Variants in ZDHHC6 observed in about 807,000 individuals in gnomAD.
The protein encoded by ZDHHC6 is zDHHC palmitoyltransferase 6, also known as palmitoyltransferase ZDHHC6.
Under a neutral mutation model 57.8 loss-of-function variants are expected in ZDHHC6, and 32 were observed. That is an observed-to-expected ratio of 0.55 (90% confidence interval 0.42 to 0.74). The LOEUF (loss-of-function observed/expected upper bound fraction) is 0.74. Among genes scored for constraint, ZDHHC6 ranks in the 30% least tolerant of loss-of-function variants. ZDHHC6 has a pLI of 0.00. For missense variants in ZDHHC6, 433 were observed against 500.7 expected, an observed-to-expected ratio of 0.86 and a Z score of 1.29; for synonymous variants, 128 against 158.0, an observed-to-expected ratio of 0.81 and a Z score of 1.42.
chr10:112,432,979 G>A (rs1423432133), intron 8 of ZDHHC6, among the ~76,000 whole-genome samples: 1 of 152,172 alleles, frequency 6.6e-6, no homozygotes, highest in African/African-American at 2.4e-5. Flanking sequence ...TGTAAGGATA[G>A]GTTTCACATT....
intron 3 of ZDHHC6, 25 bp downstream of exon 3, chr10:112,443,490 G>A (rs969866145): frequency 7.5e-6 from 12 of 1,602,890 alleles, no homozygotes; most frequent in African/African-American, 1.3e-5. Flanking sequence ...ATCAGTCCTC[G>A]CTGAACAGCA....
chr10:112,440,766 G>A (rs1331680036), intron 4 of ZDHHC6, 71 bp from the exon 5 acceptor site: 9 of 1,421,690 alleles, frequency 6.3e-6, no homozygotes, highest in South Asian at 1.8e-5. Flanking sequence ...ACTGTGACAC[G>A]TAAAACAACT....
intron 3 of ZDHHC6, 58 bp from the exon 4 acceptor site, chr10:112,442,409 C>T: frequency 6.5e-7 from 1 of 1,536,788 alleles, no homozygotes; most frequent in Non-Finnish European, 8.8e-7. Context: ...CTTTAAATAA[C>T]TTTGGTCTTC....
In ZDHHC6 at chr10:112,445,485, T is replaced by A; in HGVS notation, c.-49A>T. ...TACTTTAAAAGAATTATAGATTTCC[T>A]TTTTCTGTGCGCACATTTCCATGTG... On this transcript the variant is annotated 5_prime_UTR_variant, in exon 2 of 11. The change creates a new upstream start codon in the 5' untranslated region. Transcript: ENST00000369405. 1 of 1,583,950 alleles carries A rather than the reference T, an allele frequency of 6.3e-7. No homozygotes were observed. Among genetic ancestry groups the A allele is most frequent in the Non-Finnish European group, 8.6e-7 (1 of 1,163,916 alleles).
At chr10:112,435,061 A>G (rs977791580) in intron 6 of ZDHHC6, among the ~76,000 whole-genome samples, 1 of 152,170 alleles carries the variant, frequency 6.6e-6, no homozygotes, top group Non-Finnish European at 1.5e-5. Context: ...CTTTTTTTAT[A>G]CTATCACACA....
upstream of ZDHHC6, chr10:112,447,222 C>CAGGA (rs1238793497): frequency 2.9e-6 from 2 of 695,556 alleles, no homozygotes; most frequent in African/African-American, 1.8e-5. Context: ...GACGAACAAC[C>CAGGA]AGGAAGCGGC....
rs1169761593 is a variant in ZDHHC6 at position 112,438,405 on chromosome 10, T to C, written c.682-16A>G. 2.2e-6 allele frequency: 3 copies of C among 1,371,462 alleles called. No homozygotes were observed. Among genetic ancestry groups the C allele is most frequent in the Admixed American group, 2.9e-5 (1 of 34,466 alleles). The allele number at this position is 1,371,462 out of a possible 1,614,324, so 85.0% of individuals were successfully genotyped here. ...TTATTTTCATCTGGAAATTAAATGA[T>C]AGTAAAATTTAATAATGCGACCTTG... On this transcript the variant is annotated splice_polypyrimidine_tract_variant and intron_variant, in intron 5 of 10. Coordinates refer to ENST00000369405, the MANE Select transcript of ZDHHC6 (RefSeq NM_022494.3).
At chr10:112,444,870 T>C (rs1846484974) in intron 2 of ZDHHC6, among the ~76,000 whole-genome samples, 5 of 152,162 alleles carry the variant, frequency 3.3e-5, no homozygotes, top group Admixed American at 3.3e-4. Flanking sequence ...GTGTATGACA[T>C]GTGATGTTTC....
downstream of ZDHHC6, chr10:112,426,248 C>T (rs771788750): frequency 1.9e-6 from 3 of 1,611,368 alleles, no homozygotes; most frequent in Non-Finnish European, 2.5e-6. Context: ...CTTTTATTTC[C>T]TTTCCATAGT....
intron 6 of ZDHHC6, among the ~76,000 whole-genome samples, chr10:112,435,122 T>C (rs531675259): frequency 1.3e-5 from 2 of 152,366 alleles, no homozygotes; most frequent in African/African-American, 4.8e-5. Context: ...GTTATGCATG[T>C]ACATAACTAT....
chr10:112,435,781 C>T (rs576233923), intron 6 of ZDHHC6, among the ~76,000 whole-genome samples: 3 of 152,164 alleles, frequency 2.0e-5, no homozygotes, highest in South Asian at 2.1e-4. Context: ...GAGTTCTAGG[C>T]TATTTACAAA....
downstream of ZDHHC6, chr10:112,426,638 T>C (rs1844730996): frequency 1.4e-6 from 1 of 690,716 alleles, no homozygotes; most frequent in Non-Finnish European, 2.5e-6. Context: ...CAGTTTTTCT[T>C]TCAATATTGG....
In ZDHHC6 at chr10:112,432,450, G is replaced by A. The variant is rs1268680046; in HGVS notation, c.1017C>T (p.Phe339=). 1 of 1,614,138 alleles carries A rather than the reference G, an allele frequency of 6.2e-7. No homozygotes were observed. Among genetic ancestry groups the A allele is most frequent in the South Asian group, 1.1e-5 (1 of 91,084 alleles). The change falls in exon 9 of 11, where the codon TTC becomes TTT. Residue 339 remains phenylalanine (F), a synonymous_variant. Transcript: ENST00000369405. ...CPLNKGIKTF[F]TSPCTEEPRI... is the part of the protein sequence containing the mutation. ...GAGGCTCTTCGGTGCAGGGACTTGTGAAGAAGGTTTTGATTCCTTTATTCA... is the reference window on the plus strand; with the variant it reads ...GAGGCTCTTCGGTGCAGGGACTTGTAAAGAAGGTTTTGATTCCTTTATTCA...
In ZDHHC6 at chr10:112,445,386, C is replaced by G. The variant is rs1846563359; in HGVS notation, c.51G>C (p.Lys17Asn). The G allele has an allele frequency of 3.7e-6, 6 of 1,614,198 alleles. No individual in the cohort carries two copies. The East Asian group carries it at 1.3e-4, about 36-fold the overall frequency. Residue 17 changes from lysine to asparagine, a missense_variant, in exon 2 of 11, where the codon AAG (lysine) becomes AAC (asparagine). Transcript: ENST00000369405. ...TGATGGGACCCCAGTGACACAGTCT[C>G]TTTAATTCTTGTAGATTTTCAAACT... is the stretch of plus-strand genomic sequence containing the variant. ...VIKFENLQEL[K>N]RLCHWGPIIA... is the part of the protein sequence containing the mutation.
chr10:112,438,514 G>T, intron 5 of ZDHHC6, 125 bp from the exon 6 acceptor site: 1 of 769,848 alleles, frequency 1.3e-6, no homozygotes, highest in Non-Finnish European at 1.9e-6. Flanking sequence ...AAGGATAACA[G>T]AGGTTAAGTA....
At chr10:112,438,219 C>A in intron 6 of ZDHHC6, 117 bp downstream of exon 6, 1 of 728,322 alleles carries the variant, frequency 1.4e-6, no homozygotes. Context: ...CATGTTTTCA[C>A]TTTTAGGCAC....
downstream of ZDHHC6, chr10:112,428,446 A>G (rs1844821970): frequency 2.5e-6 from 1 of 398,506 alleles, no homozygotes. Context: ...CCCCTTAAAA[A>G]TCAAGTACAG....
chr10:112,429,981 G>A (rs988496090), downstream of ZDHHC6, among the ~76,000 whole-genome samples: 5 of 149,088 alleles, frequency 3.4e-5, no homozygotes, highest in Admixed American at 3.3e-4. Flanking sequence ...GGGGGGTGTG[G>A]GGGGGGTATT....
Position 112,445,167 on chromosome 10 carries a change from T to TA in ZDHHC6, c.267+2dup. On this transcript the variant is annotated splice_region_variant and intron_variant, in intron 2 of 10. Coordinates refer to ENST00000369405, the MANE Select transcript of ZDHHC6 (RefSeq NM_022494.3). ...GTTCATTGTCTTACAGAATCTTTCTTACCGGTTTCCACCCCAGAGGGACAA... is the reference window on the plus strand; with the variant it reads ...GTTCATTGTCTTACAGAATCTTTCTTAACCGGTTTCCACCCCAGAGGGACAA... 1 of 1,609,826 alleles carries TA rather than the reference T, an allele frequency of 6.2e-7. No homozygotes were observed. The highest frequency in any genetic ancestry group is 8.5e-7 in the Non-Finnish European group (1 of 1,176,858).
Sources: allele counts gnomAD v4.1 joint callset (sites outside exome capture counted in the v4.1 genomes callset), GRCh38; gene constraint gnomAD v4.1.1; transcripts MANE v1.5; gene names NCBI Gene and HGNC (gene_info 2026-07-23, HGNC 2026-07-21).